The following ILDR1 variants were observed in gnomAD, a reference collection of about 807,000 sequenced individuals.
ILDR1 encodes immunoglobulin-like domain-containing receptor 1.
ILDR1 carries 56 observed loss-of-function variants against 62.4 expected under a neutral mutation model. That is an observed-to-expected ratio of 0.90 (90% CI 0.72 to 1.12). The LOEUF (loss-of-function observed/expected upper bound fraction) is 1.12. Among genes scored for constraint, ILDR1 ranks in the 50% most tolerant of loss-of-function variants. The pLI is 0.00. For synonymous variants in ILDR1, 284 were observed against 277.8 expected, an observed-to-expected ratio of 1.02 and a Z score of -0.22; for missense variants, 736 against 710.6, an observed-to-expected ratio of 1.04 and a Z score of -0.41.
chr3:122,043,524 G>T, the ILDR1 span, among the ~76,000 whole-genome samples: 1 of 132,352 alleles, frequency 7.6e-6, no homozygotes, highest in African/African-American at 2.9e-5. Context: ...CCATTTTCAC[G>T]ATATTGATTC....
chr3:121,994,103 T>C, intron 6 of ILDR1, 79 bp downstream of exon 6: 1 of 1,518,736 alleles, frequency 6.6e-7, no homozygotes, highest in Admixed American at 2.0e-5. Flanking sequence ...GCCGCATCGG[T>C]CACAGAGGTC....
chr3:122,047,293 C>T, the ILDR1 span, among the ~76,000 whole-genome samples: 50 of 152,298 alleles, frequency 3.3e-4, no homozygotes, highest in South Asian at 7.9e-3. Flanking sequence ...TCTCCAGCTG[C>T]GTGCTGGGAG....
the ILDR1 span, among the ~76,000 whole-genome samples, chr3:122,040,010 C>A: frequency 6.6e-6 from 1 of 151,694 alleles, no homozygotes; most frequent in Non-Finnish European, 1.5e-5. Context: ...TAAGAGATAG[C>A]CTTAATGGAT....
chr3:122,016,157 C>G (rs926331682), intron 1 of ILDR1, among the ~76,000 whole-genome samples: 3 of 152,234 alleles, frequency 2.0e-5, no homozygotes, highest in African/African-American at 7.2e-5. Context: ...AGCTCCTATC[C>G]AGCAGTCTTG....
rs2071631019 is a variant in ILDR1, at chr3:122,007,355, A to T, written c.59-194T>A. 2.8e-5 allele frequency: 33 copies of T among 1,197,174 alleles called. No individual in the cohort carries two copies. In the South Asian group the frequency reaches 4.4e-4, roughly 16 times the overall value. The allele number at this position is 1,197,174 out of a possible 1,614,324, so 74.2% of individuals were successfully genotyped here. ...GGGTGAGAACGCACTCAGCAGCCTC[A>T]GAGGGACATAGGAAGAAAGGAGTGA... On this transcript the variant is annotated intron_variant, in intron 1 of 7. Transcript: ENST00000344209.
chr3:122,060,722 A>G, the ILDR1 span, among the ~76,000 whole-genome samples: 2 of 152,216 alleles, frequency 1.3e-5, no homozygotes, highest in Non-Finnish European at 2.9e-5. Context: ...GGATTTCTGG[A>G]AGAAAATAAT....
chr3:122,040,196 T>C, the ILDR1 span, among the ~76,000 whole-genome samples: 2 of 151,754 alleles, frequency 1.3e-5, no homozygotes, highest in East Asian at 3.9e-4. Context: ...GAACAACTGG[T>C]TTAAAATGAG....
At chr3:122,016,239 C>T (rs778540295) in intron 1 of ILDR1, among the ~76,000 whole-genome samples, 3 of 152,240 alleles carry the variant, frequency 2.0e-5, no homozygotes, top group Non-Finnish European at 4.4e-5. Flanking sequence ...GGAGGGTCTT[C>T]TGACTGAGCA....
chr3:122,029,504 TAAAA>T, the ILDR1 span, among the ~76,000 whole-genome samples: 3 of 138,516 alleles, frequency 2.2e-5, no homozygotes, highest in African/African-American at 8.5e-5. Flanking sequence ...ACACTCCGTC[TAAAA>T]AAAATATATA....
chr3:122,014,509 C>T (rs571513607), intron 1 of ILDR1, among the ~76,000 whole-genome samples: 26 of 152,188 alleles, frequency 1.7e-4, no homozygotes, highest in African/African-American at 6.3e-4. Flanking sequence ...AAATTATGGA[C>T]ATTTAGGTTG....
At chr3:122,045,359 AGGTGT>A in the ILDR1 span, among the ~76,000 whole-genome samples, 1 of 151,074 alleles carries the variant, frequency 6.6e-6, no homozygotes, top group Non-Finnish European at 1.5e-5. Context: ...ATTTTGGAAT[AGGTGT>A]GGTGTGGTGC....
chr3:122,057,150 G>A, the ILDR1 span, among the ~76,000 whole-genome samples: 4 of 152,138 alleles, frequency 2.6e-5, no homozygotes, highest in African/African-American at 7.2e-5. Context: ...CCCTAGTTGC[G>A]CACTAGTGGT....
the ILDR1 span, among the ~76,000 whole-genome samples, chr3:122,032,686 C>G: frequency 6.6e-6 from 1 of 152,182 alleles, no homozygotes; most frequent in East Asian, 1.9e-4. Flanking sequence ...ATAAAAGGTA[C>G]TATAGCTTCT....
the ILDR1 span, among the ~76,000 whole-genome samples, chr3:122,031,309 G>A: frequency 1.3e-5 from 2 of 152,084 alleles, no homozygotes; most frequent in Non-Finnish European, 2.9e-5. Flanking sequence ...AGTACCTAAG[G>A]GGTTGTCTCT....
the ILDR1 span, among the ~76,000 whole-genome samples, chr3:122,029,756 T>C: frequency 8.5e-5 from 13 of 152,154 alleles, no homozygotes; most frequent in African/African-American, 3.1e-4. Context: ...ATTTTATCAT[T>C]ATAAATATTT....
chr3:122,048,740 T>G, the ILDR1 span, among the ~76,000 whole-genome samples: 1 of 152,180 alleles, frequency 6.6e-6, no homozygotes, highest in Non-Finnish European at 1.5e-5. Flanking sequence ...CTTACAATAT[T>G]TTTTTAATTT....
At chr3:121,998,695 T>C (rs1372929719) in intron 5 of ILDR1, among the ~76,000 whole-genome samples, 1 of 152,128 alleles carries the variant, frequency 6.6e-6, no homozygotes, top group African/African-American at 2.4e-5. Flanking sequence ...GTTTTTCTTA[T>C]CTCATCCTGC....
chr3:122,026,432 G>A (rs1457918388), upstream of ILDR1, among the ~76,000 whole-genome samples: 2 of 152,194 alleles, frequency 1.3e-5, no homozygotes, highest in African/African-American at 4.8e-5. Flanking sequence ...TAGTGTGGGG[G>A]TTGAGACAAG....
chr3:122,012,001 A>G (rs2107672122), intron 1 of ILDR1, among the ~76,000 whole-genome samples: 1 of 152,342 alleles, frequency 6.6e-6, no homozygotes, highest in East Asian at 1.9e-4. Context: ...AGCAAGCTTG[A>G]TCTTCCAAAG....
Sources: gnomAD v4.1 joint callset for allele counts (sites outside exome capture counted in the v4.1 genomes callset) on GRCh38, gnomAD v4.1.1 for gene constraint, MANE v1.5 for transcripts, NCBI Gene and HGNC (gene_info 2026-07-23, HGNC 2026-07-21) for gene names.